Variants in LIN7A observed in about 807,000 individuals in gnomAD.
LIN7A encodes lin-7 cell polarity scaffold A.
Under a neutral mutation model 29.8 loss-of-function variants are expected in LIN7A, and 25 were observed. The observed-to-expected ratio is 0.84, with a 90% CI of 0.61 to 1.17. The LOEUF (loss-of-function observed/expected upper bound fraction) is 1.17, where lower values mean the gene tolerates loss of function less well. Ranked by LOEUF, LIN7A falls within the 50% of genes most tolerant of loss-of-function variation. LIN7A has a pLI of 0.00. For synonymous variants in LIN7A, 118 were observed against 107.5 expected (o/e 1.10, Z -0.60); for missense variants, 239 against 287.0 (o/e 0.83, Z 1.21).
intron 2 of LIN7A, among the ~76,000 whole-genome samples, chr12:80,866,413 A>T (rs1274555466): frequency 6.6e-6 from 1 of 152,128 alleles, no homozygotes; most frequent in Non-Finnish European, 1.5e-5. Context: ...CTGTCTTATT[A>T]TCCAGTGAAC....
At chr12:80,842,854 T>C (rs541304150) in intron 4 of LIN7A, among the ~76,000 whole-genome samples, 2 of 152,264 alleles carry the variant, frequency 1.3e-5, no homozygotes, top group African/African-American at 4.8e-5. Flanking sequence ...AACTTACTTT[T>C]AAACAGTTTA....
At chr12:80,856,981 T>C (rs1206174198) in intron 2 of LIN7A, among the ~76,000 whole-genome samples, 1 of 152,220 alleles carries the variant, frequency 6.6e-6, no homozygotes, top group African/African-American at 2.4e-5. Context: ...GTTGCCCCAA[T>C]ATCCTTATGG....
At chr12:80,810,781 A>G (rs1427852819) in intron 5 of LIN7A, among the ~76,000 whole-genome samples, 1 of 152,176 alleles carries the variant, frequency 6.6e-6, no homozygotes, top group Non-Finnish European at 1.5e-5. Flanking sequence ...ATAATAGCCA[A>G]ATTAAAAGGT....
intron 2 of LIN7A, among the ~76,000 whole-genome samples, chr12:80,887,190 A>G (rs1251870276): frequency 1.3e-5 from 2 of 152,058 alleles, no homozygotes; most frequent in East Asian, 3.9e-4. Flanking sequence ...TTTGCTCTCA[A>G]AAATATATAT....
At chr12:80,804,449 C>A (rs1164426594) in intron 5 of LIN7A, among the ~76,000 whole-genome samples, 1 of 152,036 alleles carries the variant, frequency 6.6e-6, no homozygotes, top group Non-Finnish European at 1.5e-5. Context: ...TTTTAGTTCC[C>A]ACAAATAAGT....
In LIN7A at chr12:80,811,495, C is replaced by CTGCTGCTGCTGT. The variant is rs748276053; in HGVS notation, c.660_671dup (p.Gln223_Gln226dup). On this transcript the variant is annotated inframe_insertion, in exon 5 of 6. Transcript: ENST00000552864. ...ACATGTGGTTTTGTTGTGTTTGTTG[C>CTGCTGCTGCTGT]TGCTGCTGCTGTTGCTGCTGCTGAA... 1 of 1,495,066 alleles carries CTGCTGCTGCTGT rather than the reference C, an allele frequency of 6.7e-7. No homozygotes were observed. The highest frequency in any genetic ancestry group is 9.2e-7 in the Non-Finnish European group (1 of 1,081,908). The allele number at this position is 1,495,066 out of a possible 1,614,324, so 92.6% of individuals were successfully genotyped here. A position where few individuals can be genotyped will look rare whatever the true frequency, so the allele number is the denominator to read the frequency against.
At chr12:80,901,183 A>T (rs933656493) in intron 1 of LIN7A, among the ~76,000 whole-genome samples, 1 of 152,158 alleles carries the variant, frequency 6.6e-6, no homozygotes, top group Non-Finnish European at 1.5e-5. Flanking sequence ...CAGATTAGCA[A>T]TATGATATAA....
chr12:80,895,938 G>A (rs999459533), intron 1 of LIN7A, among the ~76,000 whole-genome samples: 1 of 152,156 alleles, frequency 6.6e-6, no homozygotes, highest in Non-Finnish European at 1.5e-5. Flanking sequence ...TCTTGTCTGT[G>A]AGAAAAAATA....
intron 4 of LIN7A, among the ~76,000 whole-genome samples, chr12:80,834,541 A>G (rs1282919666): frequency 2.0e-5 from 3 of 152,206 alleles, no homozygotes; most frequent in Non-Finnish European, 4.4e-5. Context: ...GGAAAGGCCT[A>G]TGATCAAATG....
intron 5 of LIN7A, among the ~76,000 whole-genome samples, chr12:80,807,083 T>TTTTTG (rs1555221410): frequency 8.7e-5 from 12 of 137,206 alleles, no homozygotes; most frequent in Non-Finnish European, 1.9e-4. Context: ...TTTTTTTTTT[T>TTTTTG]TTTTTTTTGA....
At chr12:80,871,964 T>C (rs903169926) in intron 2 of LIN7A, among the ~76,000 whole-genome samples, 1 of 152,206 alleles carries the variant, frequency 6.6e-6, no homozygotes, top group African/African-American at 2.4e-5. Flanking sequence ...TAGCATTAAC[T>C]CTTTTGACAA....
chr12:80,839,437 T>C (rs1284540412), intron 4 of LIN7A, among the ~76,000 whole-genome samples: 2 of 152,206 alleles, frequency 1.3e-5, no homozygotes, highest in Non-Finnish European at 2.9e-5. Context: ...CTTACAGCAG[T>C]GTCTGGCATT....
At chr12:80,825,069 C>A (rs1391043365) in intron 4 of LIN7A, among the ~76,000 whole-genome samples, 1 of 152,166 alleles carries the variant, frequency 6.6e-6, no homozygotes, top group African/African-American at 2.4e-5. Flanking sequence ...GCTCAAACTG[C>A]TGCGATTTGC....
chr12:80,829,226 G>A (rs775685340), intron 4 of LIN7A, among the ~76,000 whole-genome samples: 1 of 152,162 alleles, frequency 6.6e-6, no homozygotes, highest in Non-Finnish European at 1.5e-5. Flanking sequence ...GGGTAACTCA[G>A]GTGAAATGAA....
At chr12:80,818,730 T>C (rs757236747) in intron 4 of LIN7A, among the ~76,000 whole-genome samples, 2 of 152,184 alleles carry the variant, frequency 1.3e-5, no homozygotes, top group African/African-American at 2.4e-5. Context: ...CCTAGGAATA[T>C]ATAAATACAA....
At chr12:80,907,980 T>C (rs999666800) in intron 1 of LIN7A, among the ~76,000 whole-genome samples, 2 of 152,104 alleles carry the variant, frequency 1.3e-5, no homozygotes, top group Admixed American at 1.3e-4. Context: ...TACTCATAAA[T>C]TTATAGATAA....
intron 1 of LIN7A, among the ~76,000 whole-genome samples, chr12:80,893,309 A>T (rs79863567): frequency 0.053 from 8,122 of 152,268 alleles, 247 homozygotes; most frequent in Admixed American, 0.096. Context: ...TCACCCGTGA[A>T]ATTTTTCAAC....
chr12:80,893,051 A>G (rs1875707815), intron 1 of LIN7A, among the ~76,000 whole-genome samples: 1 of 152,220 alleles, frequency 6.6e-6, no homozygotes, highest in Non-Finnish European at 1.5e-5. Context: ...TTTAAGCACA[A>G]GTTCAAAGTG....
chr12:80,801,108 A>C (rs1321682572), intron 5 of LIN7A, among the ~76,000 whole-genome samples: 3 of 149,998 alleles, frequency 2.0e-5, no homozygotes, highest in Non-Finnish European at 4.4e-5. Flanking sequence ...ACATATATAG[A>C]AATAACATTT....
Sources: gnomAD v4.1 joint callset for allele counts (sites outside exome capture counted in the v4.1 genomes callset) on GRCh38, gnomAD v4.1.1 for gene constraint, MANE v1.5 for transcripts, NCBI Gene and HGNC (gene_info 2026-07-23, HGNC 2026-07-21) for gene names.